Variants in GLG1 observed in about 807,000 individuals in gnomAD.
The protein encoded by GLG1 is golgi glycoprotein 1, also known as Golgi apparatus protein 1.
Under a neutral mutation model 160.5 loss-of-function variants are expected in GLG1, and 38 were observed. That is an observed-to-expected ratio of 0.24 (90% confidence interval 0.18 to 0.31). The LOEUF (loss-of-function observed/expected upper bound fraction) is 0.31. Ranked by LOEUF, GLG1 falls within the 10% of genes least tolerant of loss-of-function variation. The pLI is 1.00. For missense variants in GLG1, 1,373 were observed against 1,505.2 expected (o/e 0.91, Z 1.45); for synonymous variants, 644 against 543.4 (o/e 1.19, Z -2.57).
chr16:74,591,956 T>C (rs1013125415), intron 1 of GLG1, among the ~76,000 whole-genome samples: 1 of 152,170 alleles, frequency 6.6e-6, no homozygotes, highest in African/African-American at 2.4e-5. Flanking sequence ...ATAATTCCTT[T>C]ACCCAGAGGA....
chr16:74,461,934 T>TG, intron 22 of GLG1, 160 bp downstream of exon 22: 1 of 566,846 alleles, frequency 1.8e-6, no homozygotes, highest in Non-Finnish European at 3.1e-6. Flanking sequence ...TTGAATTCAG[T>TG]GTTACAAAGA....
chr16:74,450,403 G>A lies in GLG1; in HGVS notation c.*2764C>T, dbSNP rs1207578561. 1 of 152,228 alleles carries A rather than the reference G, an allele frequency of 6.6e-6. No individual in the cohort carries two copies. Among genetic ancestry groups the A allele is most frequent in the Non-Finnish European group, 1.5e-5 (1 of 68,040 alleles). 9.4% of individuals were successfully genotyped at this position (152,228 alleles called of 1,614,324 possible). On this transcript the variant is annotated 3_prime_UTR_variant, in exon 26 of 26. Transcript: ENST00000422840. The stretch of plus-strand genomic sequence containing the variant: ...GGCCAGTTCAGACTTTGCTGGCCTT[G>A]GCACTTAGAAAAACTTGCTCGGGGC...
rs539408194 is a variant in GLG1 at position 74,521,146 on chromosome 16, G to C, written c.471+10975C>G. On this transcript the variant is annotated intron_variant, in intron 2 of 25. Coordinates refer to ENST00000422840, the MANE Select transcript of GLG1 (RefSeq NM_001145667.2). ...GTCCCGAGTCAGGAACATTTTCTGA[G>C]TATCTGAAGAATAGCAAGGAGGACA... Among the ~76,000 whole-genome samples, 21 of 152,314 alleles carry C rather than the reference G, an allele frequency of 1.4e-4. No individual in the cohort carries two copies. In the South Asian group the frequency reaches 1.9e-3, roughly 14 times the overall value.
chr16:74,479,078 A>AAAAAAAG (rs2015503519), intron 11 of GLG1, among the ~76,000 whole-genome samples: 1 of 123,820 alleles, frequency 8.1e-6, no homozygotes, highest in Non-Finnish European at 1.7e-5. Flanking sequence ...AAAAAAAAAA[A>AAAAAAAG]GCCAGGCATG....
intron 1 of GLG1, among the ~76,000 whole-genome samples, chr16:74,538,436 C>T (rs1030489096): frequency 6.6e-6 from 1 of 152,242 alleles, no homozygotes; most frequent in South Asian, 2.1e-4. Flanking sequence ...CAATCTTTTA[C>T]CCCCGGGAAA....
intron 2 of GLG1, among the ~76,000 whole-genome samples, chr16:74,514,657 G>C (rs2016922245): frequency 6.6e-6 from 1 of 152,106 alleles, no homozygotes; most frequent in Non-Finnish European, 1.5e-5. Context: ...ACATGGATAG[G>C]AACAACCGGT....
At position 74,542,719 on chromosome 16, in the gene GLG1, A is replaced by AGGGAGGGAGGG. The variant is rs1567513862; in HGVS notation, c.439-10567_439-10566insCCCTCCCTCCC. On this transcript the variant is annotated intron_variant, in intron 1 of 25. Coordinates refer to ENST00000422840, the MANE Select transcript of GLG1 (RefSeq NM_001145667.2). Reference sequence around the variant, plus strand: ...GAGGGAGGGAGGAAGGGAAGAAGGGAAGGAAGGAAGGAAGGGAGGAAGGAA... The same window carrying AGGGAGGGAGGG: ...GAGGGAGGGAGGAAGGGAAGAAGGGAGGGAGGGAGGGAGGAAGGAAGGAAGGGAGGAAGGAA... 3.8e-3 allele frequency among the ~76,000 whole-genome samples: 111 copies of AGGGAGGGAGGG among 29,014 alleles called. 6 individuals carry two copies. The highest frequency in any genetic ancestry group is 5.5e-3 in the Non-Finnish European group (90 of 16,384). The allele number at this position is 29,014 out of a possible 152,430, so 19.0% of individuals were successfully genotyped here.
chr16:74,470,400 T>G (rs947522826), intron 15 of GLG1, among the ~76,000 whole-genome samples: 1 of 140,420 alleles, frequency 7.1e-6, no homozygotes, highest in African/African-American at 2.6e-5. Flanking sequence ...CTTCCCTCCC[T>G]CCTTCCATCC....
In GLG1 at chr16:74,515,997, A is replaced by G. The variant is rs889837380; in HGVS notation, c.472-7072T>C. 6.8e-4 allele frequency among the ~76,000 whole-genome samples: 103 copies of G among 151,758 alleles called. 3 individuals are homozygous for G. The highest frequency in any genetic ancestry group is 2.4e-3 in the African/African-American group (98 of 41,024). On this transcript the variant is annotated intron_variant, in intron 2 of 25. Transcript: ENST00000422840. ...CGGTAAAGGGATCAATTCAACAAGA[A>G]GAGCTAACTATCCTAAACATATATG... is the stretch of plus-strand genomic sequence containing the variant.
At position 74,457,924 on chromosome 16, in the gene GLG1, G is replaced by A. The variant is rs2014624797; in HGVS notation, c.3215C>T (p.Ala1072Val). 1.2e-6 allele frequency: 2 copies of A among 1,613,782 alleles called. No homozygotes were observed. Among genetic ancestry groups the A allele is most frequent in the Non-Finnish European group, 1.7e-6 (2 of 1,179,726 alleles). Residue 1072 changes from alanine (A) to valine (V), a missense_variant, in exon 24 of 26, where the codon GCC becomes GTC. By Grantham distance (64) the Ala-to-Val change is moderately conservative. This residue lies in a region of GLG1 where 491 missense variants were observed against 632.1 expected (regional missense o/e 0.78). Transcript: ENST00000422840. ...FVDPVLHTACALDIKHHCAAI... is the reference protein window; with the variant it reads ...FVDPVLHTACVLDIKHHCAAI... ...TGCGCAGTGGTGTTTAATGTCCAGGGCACAAGCAGTATGAAGTACCGGGTC... is the reference window on the plus strand; with the variant it reads ...TGCGCAGTGGTGTTTAATGTCCAGGACACAAGCAGTATGAAGTACCGGGTC...
intron 2 of GLG1, among the ~76,000 whole-genome samples, chr16:74,519,822 T>C (rs2017102341): frequency 6.6e-6 from 1 of 152,172 alleles, no homozygotes; most frequent in Admixed American, 6.5e-5. Context: ...TTGTCACTTT[T>C]AGATATTCTG....
chr16:74,591,945 C>G (rs1958194975), intron 1 of GLG1, among the ~76,000 whole-genome samples: 1 of 152,138 alleles, frequency 6.6e-6, no homozygotes, highest in Non-Finnish European at 1.5e-5. Context: ...TTTGGCAGAA[C>G]ATAATTCCTT....
intron 1 of GLG1, among the ~76,000 whole-genome samples, chr16:74,544,868 G>T (rs1354056919): frequency 1.3e-5 from 2 of 151,972 alleles, no homozygotes; most frequent in Non-Finnish European, 2.9e-5. Context: ...CTAGTAGTAA[G>T]TATGTAATAA....
At chr16:74,483,794 A>G (rs563459488) in intron 9 of GLG1, among the ~76,000 whole-genome samples, 1 of 151,956 alleles carries the variant, frequency 6.6e-6, no homozygotes, top group East Asian at 1.9e-4. Flanking sequence ...AGTAGCTGGG[A>G]CTACAGGCAC....
At position 74,480,307 on chromosome 16, in the gene GLG1, C is replaced by G. The variant is rs2015552686; in HGVS notation, c.1761G>C (p.Met587Ile). The G allele has an allele frequency of 3.7e-6, 6 of 1,613,080 alleles. No individual in the cohort carries two copies. The highest frequency in any genetic ancestry group is 4.2e-6 in the Non-Finnish European group (5 of 1,178,976). Residue 587 changes from methionine to isoleucine, a missense_variant, in exon 11 of 26, where the codon ATG becomes ATC. Physicochemically the swap from Met to Ile is conservative, Grantham distance 10 (BLOSUM62 1). This residue lies in a region of GLG1 where 386 missense variants were observed against 388.5 expected (regional missense o/e 0.99). Transcript: ENST00000422840. ...AACAAGAGAACACAGCTCCCTGAGG[C>G]ATAAATTCACTGGTCTCATTCCAAC... ...THGWNETSEF[M>I]PQGAVFSCLY...
intron 1 of GLG1, among the ~76,000 whole-genome samples, chr16:74,535,074 T>A (rs769229006): frequency 6.6e-6 from 1 of 152,120 alleles, no homozygotes; most frequent in Admixed American, 6.5e-5. Context: ...AGACCTGAAC[T>A]TAACCCTCAA....
intron 2 of GLG1, among the ~76,000 whole-genome samples, chr16:74,517,271 C>T (rs572009727): frequency 2.0e-5 from 3 of 152,262 alleles, no homozygotes; most frequent in South Asian, 4.1e-4. Context: ...GACCAATATC[C>T]CTGATCAACA....
At chr16:74,524,088 T>C (rs1435660210) in intron 2 of GLG1, among the ~76,000 whole-genome samples, 1 of 152,022 alleles carries the variant, frequency 6.6e-6, no homozygotes, top group Non-Finnish European at 1.5e-5. Flanking sequence ...TATGTGCCTG[T>C]AATCCCAGCA....
At chr16:74,532,087 C>A in intron 2 of GLG1, 34 bp downstream of exon 2, 1 of 1,086,462 alleles carries the variant, frequency 9.2e-7, no homozygotes, top group East Asian at 2.7e-5. Context: ...ATCTATAAAG[C>A]ACATATGGCG....
Sources: gnomAD v4.1 joint callset for allele counts (sites outside exome capture counted in the v4.1 genomes callset) on GRCh38, gnomAD v4.1.1 for gene constraint, gnomAD v4.1.1 regional missense constraint, MANE v1.5 for transcripts, NCBI Gene and HGNC (gene_info 2026-07-23, HGNC 2026-07-21) for gene names.